CAP2: variants seen among roughly 807,000 people sequenced by gnomAD.
CAP2 encodes adenylyl cyclase-associated protein 2.
A neutral mutation model predicts 57.7 loss-of-function variants in CAP2; 24 were observed. The observed-to-expected ratio is 0.42, with a 90% confidence interval of 0.30 to 0.58. CAP2 has a LOEUF of 0.58. Among genes scored for constraint, CAP2 ranks in the 20% least tolerant of loss-of-function variants. The pLI is 0.22. For missense variants in CAP2, 501 were observed against 590.3 expected (o/e 0.85, Z 1.57); for synonymous variants, 194 against 207.2 (o/e 0.94, Z 0.55).
intron 4 of CAP2, among the ~76,000 whole-genome samples, chr6:17,480,503 T>A (rs1450871566): frequency 6.6e-6 from 1 of 152,046 alleles, no homozygotes; most frequent in Non-Finnish European, 1.5e-5. Flanking sequence ...AATAAGGGCA[T>A]TGTAATAAGT....
At chr6:17,404,264 C>T (rs1357449863) in intron 1 of CAP2, among the ~76,000 whole-genome samples, 8 of 152,038 alleles carry the variant, frequency 5.3e-5, no homozygotes, top group African/African-American at 1.2e-4. Context: ...CGAGGTCAGG[C>T]GTTCGAGACC....
intron 3 of CAP2, among the ~76,000 whole-genome samples, chr6:17,436,089 C>CTTT (rs56383458): frequency 0.021 from 2,810 of 134,226 alleles, 70 homozygotes; most frequent in African/African-American, 0.059. Flanking sequence ...TTCTTTCTTT[C>CTTT]CTTCCTTCCT....
chr6:17,516,246 TG>T (rs1762272615), intron 7 of CAP2, among the ~76,000 whole-genome samples: 1 of 152,312 alleles, frequency 6.6e-6, no homozygotes, highest in African/African-American at 2.4e-5. Context: ...TGTGTGCTTT[TG>T]GGACTCTCCC....
At chr6:17,536,217 A>G in intron 7 of CAP2, 1 of 456,762 alleles carries the variant, frequency 2.2e-6, no homozygotes, top group Non-Finnish European at 4.4e-6. Context: ...TTCTCCTGTC[A>G]TGTGCTGTAA....
At chr6:17,403,545 GTT>G (rs1323127569) in intron 1 of CAP2, among the ~76,000 whole-genome samples, 1 of 152,154 alleles carries the variant, frequency 6.6e-6, no homozygotes, top group Non-Finnish European at 1.5e-5. Flanking sequence ...TAATATTTGT[GTT>G]GTTTTCTAAG....
chr6:17,520,036 A>G (rs1199189095), intron 7 of CAP2, among the ~76,000 whole-genome samples: 5 of 152,236 alleles, frequency 3.3e-5, no homozygotes, highest in South Asian at 2.1e-4. Flanking sequence ...ATAAAACTGC[A>G]CATGGATGAA....
chr6:17,468,652 C>T (rs1258044373), intron 4 of CAP2, among the ~76,000 whole-genome samples: 1 of 152,206 alleles, frequency 6.6e-6, no homozygotes, highest in African/African-American at 2.4e-5. Context: ...AAGAATGGCC[C>T]AGTTCTTACA....
chr6:17,476,962 C>T (rs1278428996), intron 4 of CAP2, among the ~76,000 whole-genome samples: 1 of 147,664 alleles, frequency 6.8e-6, no homozygotes, highest in Admixed American at 6.8e-5. Flanking sequence ...ACCTCTGCCT[C>T]TCGGGTTCAA....
At chr6:17,393,923 C>CCGGGGCGCGGCGACCCGGGCG (rs1027835545) in intron 1 of CAP2, among the ~76,000 whole-genome samples, 177 bp downstream of exon 1, 1 of 146,738 alleles carries the variant, frequency 6.8e-6, no homozygotes, top group Non-Finnish European at 1.5e-5. Context: ...GGCGCGGGGG[C>CCGGGGCGCGGCGACCCGGGCG]CGGGGCGCGG....
chr6:17,439,775 G>A (rs9367949), intron 3 of CAP2, among the ~76,000 whole-genome samples: 97,599 of 151,120 alleles, frequency 0.65, 33,311 homozygotes, highest in East Asian at 0.86. Flanking sequence ...GAGCTCGGGC[G>A]GTAATGCAAG....
intron 7 of CAP2, among the ~76,000 whole-genome samples, chr6:17,521,020 T>C (rs567668548): frequency 1.3e-4 from 20 of 152,354 alleles, no homozygotes; most frequent in African/African-American, 4.8e-4. Context: ...GTCGTTCTAC[T>C]TAGTTCAGTT....
At chr6:17,515,630 A>T (rs2113669557) in intron 7 of CAP2, among the ~76,000 whole-genome samples, 1 of 152,118 alleles carries the variant, frequency 6.6e-6, no homozygotes, top group Non-Finnish European at 1.5e-5. Flanking sequence ...AAATTATTCC[A>T]AAAAAAAGAG....
At chr6:17,436,990 T>A (rs2113555972) in intron 3 of CAP2, among the ~76,000 whole-genome samples, 1 of 152,310 alleles carries the variant, frequency 6.6e-6, no homozygotes, top group African/African-American at 2.4e-5. Context: ...GTGCTCCTTA[T>A]GAGAATCTAA....
chr6:17,512,675 G>A (rs149817360), intron 6 of CAP2, among the ~76,000 whole-genome samples: 31 of 152,264 alleles, frequency 2.0e-4, no homozygotes, highest in African/African-American at 7.5e-4. Context: ...TGACTGTGAA[G>A]GTGAGGTAAA....
intron 1 of CAP2, among the ~76,000 whole-genome samples, chr6:17,397,694 CAA>C (rs554131865): frequency 0.018 from 1,249 of 70,528 alleles, 7 homozygotes; most frequent in African/African-American, 0.058. Context: ...GACTCCATAT[CAA>C]AAAAAAAAAA....
intron 4 of CAP2, among the ~76,000 whole-genome samples, chr6:17,467,028 G>A (rs771732710): frequency 1.3e-5 from 2 of 152,194 alleles, no homozygotes; most frequent in Non-Finnish European, 2.9e-5. Flanking sequence ...AGGAGTTTTG[G>A]GCATTGGGGA....
chr6:17,426,547 T>G, intron 2 of CAP2, 43 bp from the exon 3 acceptor site: 1 of 1,463,498 alleles, frequency 6.8e-7, no homozygotes, highest in Non-Finnish European at 9.6e-7. Context: ...TCCCAGGTTT[T>G]CATTCAACGG....
At chr6:17,534,206 G>C (rs1434237797) in intron 7 of CAP2, among the ~76,000 whole-genome samples, 1 of 152,138 alleles carries the variant, frequency 6.6e-6, no homozygotes, top group Non-Finnish European at 1.5e-5. Flanking sequence ...CTAACTGTTA[G>C]GATAAAACAT....
intron 3 of CAP2, among the ~76,000 whole-genome samples, chr6:17,431,864 A>T (rs971884198): frequency 6.6e-6 from 1 of 152,050 alleles, no homozygotes; most frequent in African/African-American, 2.4e-5. Context: ...TCGGTTTCCA[A>T]ATGAAGAGCT....
Sources: allele counts gnomAD v4.1 joint callset (sites outside exome capture counted in the v4.1 genomes callset), GRCh38; gene constraint gnomAD v4.1.1; transcripts MANE v1.5; gene names NCBI Gene and HGNC (gene_info 2026-07-23, HGNC 2026-07-21).